KCNB2: variants seen among roughly 807,000 people sequenced by gnomAD.
KCNB2 encodes delayed rectifier potassium channel protein.
KCNB2 carries 15 observed loss-of-function variants against 61.5 expected under a neutral mutation model. That is an observed-to-expected ratio of 0.24 (90% CI 0.16 to 0.38). The LOEUF is 0.38. KCNB2 is among the 10% of genes least tolerant of loss of function. The pLI is 1.00. For synonymous variants in KCNB2, 457 were observed against 446.0 expected (o/e 1.02, Z -0.31); for missense variants, 828 against 1,125.2 (o/e 0.74, Z 3.78).
chr8:72,668,145 A>G (rs1481662073), intron 2 of KCNB2, among the ~76,000 whole-genome samples: 1 of 152,228 alleles, frequency 6.6e-6, no homozygotes, highest in African/African-American at 2.4e-5. Context: ...AATCATACAC[A>G]TAGCACTTAA....
At chr8:72,831,565 A>G (rs1415934539) in intron 2 of KCNB2, among the ~76,000 whole-genome samples, 1 of 152,246 alleles carries the variant, frequency 6.6e-6, no homozygotes, top group East Asian at 1.9e-4. Flanking sequence ...AAATTGGCAG[A>G]CATACATGCA....
intron 2 of KCNB2, among the ~76,000 whole-genome samples, chr8:72,608,645 A>G (rs920808844): frequency 2.0e-5 from 3 of 152,168 alleles, no homozygotes; most frequent in African/African-American, 7.2e-5. Context: ...ATGGTGAGGT[A>G]TCCAGCAGGG....
intron 2 of KCNB2, among the ~76,000 whole-genome samples, chr8:72,641,781 T>C (rs1398475265): frequency 2.6e-5 from 4 of 152,152 alleles, no homozygotes; most frequent in African/African-American, 9.6e-5. Context: ...TCATATTACC[T>C]ACCTCATAGG....
intron 2 of KCNB2, among the ~76,000 whole-genome samples, chr8:72,674,722 G>C (rs1806622168): frequency 1.3e-5 from 2 of 152,152 alleles, no homozygotes; most frequent in African/African-American, 4.8e-5. Context: ...ATGGAAGGAA[G>C]AAACACTAAC....
intron 2 of KCNB2, among the ~76,000 whole-genome samples, chr8:72,847,779 C>T (rs1402551187): frequency 6.6e-6 from 1 of 152,108 alleles, no homozygotes; most frequent in Admixed American, 6.5e-5. Flanking sequence ...ATATATTCAC[C>T]ATAATATCCC....
At chr8:72,657,503 A>G (rs1162834998) in intron 2 of KCNB2, among the ~76,000 whole-genome samples, 1 of 152,166 alleles carries the variant, frequency 6.6e-6, no homozygotes, top group Non-Finnish European at 1.5e-5. Context: ...AGAAGTTGTT[A>G]AACAGCAACA....
intron 2 of KCNB2, among the ~76,000 whole-genome samples, chr8:72,765,891 A>G (rs1404740835): frequency 6.6e-6 from 1 of 152,238 alleles, no homozygotes; most frequent in East Asian, 1.9e-4. Flanking sequence ...CCTGGAAACC[A>G]GGCTGTGAGA....
At chr8:72,673,115 T>G (rs940711280) in intron 2 of KCNB2, among the ~76,000 whole-genome samples, 1 of 152,224 alleles carries the variant, frequency 6.6e-6, no homozygotes, top group Non-Finnish European at 1.5e-5. Flanking sequence ...AACAATGTTA[T>G]TCACAATAGG....
intron 2 of KCNB2, among the ~76,000 whole-genome samples, chr8:72,915,790 G>A (rs1329244651): frequency 1.3e-5 from 2 of 152,074 alleles, no homozygotes; most frequent in Non-Finnish European, 2.9e-5. Flanking sequence ...ATGGTGGTGG[G>A]TGCCTGTAGT....
intron 1 of KCNB2, among the ~76,000 whole-genome samples, chr8:72,538,091 C>T (rs1806141480): frequency 6.6e-6 from 1 of 151,982 alleles, no homozygotes; most frequent in Non-Finnish European, 1.5e-5. Context: ...AAGTATTAGC[C>T]CCTGAAAAGC....
intron 2 of KCNB2, among the ~76,000 whole-genome samples, chr8:72,888,694 G>A (rs1805847022): frequency 6.6e-6 from 1 of 152,160 alleles, no homozygotes. Context: ...TTGTTTCTCA[G>A]TAATAAAGGC....
At chr8:72,701,281 C>G (rs1171385952) in intron 2 of KCNB2, among the ~76,000 whole-genome samples, 1 of 152,094 alleles carries the variant, frequency 6.6e-6, no homozygotes, top group East Asian at 1.9e-4. Flanking sequence ...GAACACATTT[C>G]AAACCAAAAC....
chr8:72,586,801 A>G (rs1050300593), intron 2 of KCNB2, among the ~76,000 whole-genome samples: 6 of 152,216 alleles, frequency 3.9e-5, no homozygotes, highest in Admixed American at 3.3e-4. Flanking sequence ...AAGGCAAACT[A>G]TAGTCAACAA....
intron 2 of KCNB2, among the ~76,000 whole-genome samples, chr8:72,579,843 T>C (rs1806862543): frequency 6.6e-6 from 1 of 152,214 alleles, no homozygotes; most frequent in Admixed American, 6.5e-5. Flanking sequence ...CTGAGACCAA[T>C]TCTTTTCTAA....
chr8:72,602,382 A>G (rs1436500815), intron 2 of KCNB2, among the ~76,000 whole-genome samples: 1 of 152,172 alleles, frequency 6.6e-6, no homozygotes, highest in Non-Finnish European at 1.5e-5. Flanking sequence ...AATCATTGCT[A>G]GAATTTTGCT....
chr8:72,890,322 A>C (rs6472712), intron 2 of KCNB2, among the ~76,000 whole-genome samples: 137,443 of 151,896 alleles, frequency 0.9, 62,908 homozygotes, highest in Middle Eastern at 0.97. Flanking sequence ...GTGGCAGTAC[A>C]AAGGGTGTGG....
At chr8:72,730,331 GAT>G (rs1807720235) in intron 2 of KCNB2, among the ~76,000 whole-genome samples, 1 of 151,992 alleles carries the variant, frequency 6.6e-6, no homozygotes. Flanking sequence ...TTTTAACCTG[GAT>G]ATCTAAAAGA....
chr8:72,786,078 T>G (rs1477587086), intron 2 of KCNB2, among the ~76,000 whole-genome samples: 1 of 151,076 alleles, frequency 6.6e-6, no homozygotes, highest in Non-Finnish European at 1.5e-5. Flanking sequence ...GCAAAAAGAC[T>G]TCACTCGCAT....
At chr8:72,859,947 G>A (rs199588202) in intron 2 of KCNB2, among the ~76,000 whole-genome samples, 4 of 79,796 alleles carry the variant, frequency 5.0e-5, no homozygotes, top group East Asian at 2.9e-4. Flanking sequence ...TCAAACTCCC[G>A]ACCTCAGGTG....
Sources: gnomAD v4.1 joint callset for allele counts (sites outside exome capture counted in the v4.1 genomes callset) on GRCh38, gnomAD v4.1.1 for gene constraint, MANE v1.5 for transcripts, NCBI Gene and HGNC (gene_info 2026-07-23, HGNC 2026-07-21) for gene names.